MAP4K3: variants seen among roughly 807,000 people sequenced by gnomAD.
MAP4K3 encodes the protein MAPK/ERK kinase kinase kinase 3.
A neutral mutation model predicts 143.5 loss-of-function variants in MAP4K3; 94 were observed. That is an observed-to-expected ratio of 0.65 (90% confidence interval 0.55 to 0.78). The LOEUF is 0.78. Ranked by LOEUF, MAP4K3 falls within the 30% of genes least tolerant of loss-of-function variation. The probability of loss-of-function intolerance (pLI) is 0.00; values close to 1 mark genes in which losing one functional copy is unlikely to be tolerated. For missense variants in MAP4K3, 1,077 were observed against 1,068.1 expected, an observed-to-expected ratio of 1.01 and a Z score of -0.12; for synonymous variants, 416 against 347.2, an observed-to-expected ratio of 1.20 and a Z score of -2.20.
At chr2:39,354,270 C>T (rs145238056) in intron 3 of MAP4K3, among the ~76,000 whole-genome samples, 1,768 of 152,064 alleles carry the variant, frequency 0.012, 32 homozygotes, top group African/African-American at 0.04. Context: ...TGTGAAACCC[C>T]GTCTCTACTA....
intron 28 of MAP4K3, among the ~76,000 whole-genome samples, chr2:39,263,905 A>C (rs1402891183): frequency 6.6e-6 from 1 of 152,242 alleles, no homozygotes; most frequent in Non-Finnish European, 1.5e-5. Flanking sequence ...AACAGAGAAA[A>C]GCATCTTTCA....
intron 22 of MAP4K3, among the ~76,000 whole-genome samples, chr2:39,280,941 A>G (rs932197768): frequency 1.3e-5 from 2 of 152,194 alleles, no homozygotes; most frequent in South Asian, 2.1e-4. Flanking sequence ...TGATGTTAAT[A>G]TTACTTATCA....
At chr2:39,297,122 C>CTT (rs932204823) in intron 16 of MAP4K3, among the ~76,000 whole-genome samples, 5 of 145,668 alleles carry the variant, frequency 3.4e-5, no homozygotes, top group African/African-American at 1.0e-4. Context: ...GTTTTCTTTT[C>CTT]TTTTTTTTTT....
intron 22 of MAP4K3, among the ~76,000 whole-genome samples, chr2:39,281,279 T>A (rs1224596280): frequency 6.6e-6 from 1 of 152,188 alleles, no homozygotes; most frequent in Non-Finnish European, 1.5e-5. Context: ...CATCACTAGT[T>A]GACAATAATG....
chr2:39,337,758 T>TC (rs1198958067), intron 4 of MAP4K3, among the ~76,000 whole-genome samples, 177 bp from the exon 5 acceptor site: 1 of 128,766 alleles, frequency 7.8e-6, no homozygotes, highest in Non-Finnish European at 1.6e-5. Flanking sequence ...TCCAGTTTTT[T>TC]TTTTTTTTTT....
chr2:39,281,289 G>A (rs896525162), intron 22 of MAP4K3, among the ~76,000 whole-genome samples: 2 of 151,996 alleles, frequency 1.3e-5, no homozygotes, highest in Non-Finnish European at 2.9e-5. Context: ...TGACAATAAT[G>A]GATTAAAAAT....
chr2:39,415,993 A>ATG (rs1667365719), intron 1 of MAP4K3, among the ~76,000 whole-genome samples: 2 of 102,486 alleles, frequency 2.0e-5, no homozygotes, highest in Non-Finnish European at 3.9e-5. Flanking sequence ...ATATATATAT[A>ATG]TATATATATA....
intron 22 of MAP4K3, among the ~76,000 whole-genome samples, chr2:39,282,093 G>A (rs901386291): frequency 2.6e-5 from 4 of 151,676 alleles, no homozygotes; most frequent in African/African-American, 9.7e-5. Flanking sequence ...TACTCGAGAG[G>A]CTGAGGCAGG....
chr2:39,400,025 C>A (rs987290620), intron 1 of MAP4K3, among the ~76,000 whole-genome samples: 5 of 152,104 alleles, frequency 3.3e-5, no homozygotes, highest in African/African-American at 1.2e-4. Flanking sequence ...AAAGCTCAGA[C>A]CCATATAACC....
At chr2:39,293,824 C>G (rs1041470054) in intron 16 of MAP4K3, 2 of 153,120 alleles carry the variant, frequency 1.3e-5, no homozygotes, top group African/African-American at 4.8e-5. Context: ...TTTGCTTTCA[C>G]GGAAGACACT....
At chr2:39,398,732 AATAATAATAATAATG>A (rs1172036770) in intron 1 of MAP4K3, among the ~76,000 whole-genome samples, 7 of 141,732 alleles carry the variant, frequency 4.9e-5, no homozygotes, top group Admixed American at 3.5e-4. Context: ...TAATAATAAT[AATAATAATAATAATG>A]ATGATGATAA....
At chr2:39,348,796 A>G (rs2148542321) in intron 3 of MAP4K3, among the ~76,000 whole-genome samples, 1 of 152,338 alleles carries the variant, frequency 6.6e-6, no homozygotes, top group East Asian at 1.9e-4. Context: ...GATGTCTACC[A>G]GAGCATACAG....
chr2:39,325,382 T>C (rs1334483611), intron 12 of MAP4K3, 136 bp downstream of exon 12: 6 of 513,934 alleles, frequency 1.2e-5, no homozygotes, highest in East Asian at 3.0e-5. Context: ...AAAGAATTAA[T>C]TGTTCCCTCA....
Position 39,292,795 on chromosome 2 carries a change from C to A in MAP4K3, c.1249G>T (p.Gly417Ter). The A allele has an allele frequency of 6.2e-7, 1 of 1,613,282 alleles. No homozygotes were observed. The highest frequency in any genetic ancestry group is 8.5e-7 in the Non-Finnish European group (1 of 1,179,456). Residue 417 changes from glycine to a stop codon, truncating the protein, a stop_gained, in exon 18 of 34, where the codon GGA becomes TGA. Coordinates refer to ENST00000263881, the MANE Select transcript of MAP4K3 (RefSeq NM_003618.4). LOFTEE classifies it high-confidence loss of function. ...TACTGTTTAGATTCATCATCATCTC[C>A]TTCATCATCTTCTAAATGTGCGACG... ...GHVAHLEDDEGDDDESKHSTL... is the reference protein window; with the variant it reads ...GHVAHLEDDE
At chr2:39,315,265 TA>T in intron 13 of MAP4K3, 44 bp downstream of exon 13, 1 of 1,304,398 alleles carries the variant, frequency 7.7e-7, no homozygotes, top group Non-Finnish European at 1.1e-6. Flanking sequence ...AATTATAACT[TA>T]TTTTCTATCA....
chr2:39,436,143 C>G (rs1369830224), intron 1 of MAP4K3, among the ~76,000 whole-genome samples: 1 of 152,164 alleles, frequency 6.6e-6, no homozygotes, highest in East Asian at 1.9e-4. Flanking sequence ...AGTGATTTAT[C>G]TTCCCACATT....
chr2:39,326,762 G>C (rs1683503265), intron 8 of MAP4K3, among the ~76,000 whole-genome samples: 1 of 152,090 alleles, frequency 6.6e-6, no homozygotes, highest in Admixed American at 6.6e-5. Flanking sequence ...CATTGGGTCA[G>C]TTTCCCCTAT....
intron 1 of MAP4K3, among the ~76,000 whole-genome samples, chr2:39,401,229 C>T (rs1666945110): frequency 6.6e-6 from 1 of 152,002 alleles, no homozygotes; most frequent in Non-Finnish European, 1.5e-5. Context: ...AGGGGGGTGT[C>T]CCATCTTCAT....
chr2:39,321,802 G>GT (rs1304060153), intron 12 of MAP4K3, among the ~76,000 whole-genome samples: 1 of 152,234 alleles, frequency 6.6e-6, no homozygotes, highest in Non-Finnish European at 1.5e-5. Context: ...AGATGTTTAT[G>GT]TGTATGCATA....
Sources: gnomAD v4.1 joint callset for allele counts (sites outside exome capture counted in the v4.1 genomes callset) on GRCh38, gnomAD v4.1.1 for gene constraint, MANE v1.5 for transcripts, NCBI Gene and HGNC (gene_info 2026-07-23, HGNC 2026-07-21) for gene names.